The following SEMA3D variants were observed in gnomAD, a reference collection of about 807,000 sequenced individuals.
SEMA3D encodes semaphorin-3D.
SEMA3D carries 84 observed loss-of-function variants against 100.1 expected under a neutral mutation model. That is an observed-to-expected ratio of 0.84 (90% confidence interval 0.70 to 1.01). The LOEUF is 1.01. SEMA3D is among the 50% of genes least tolerant of loss of function. The pLI is 0.00. For synonymous variants in SEMA3D, 312 were observed against 320.7 expected (o/e 0.97, Z 0.29); for missense variants, 875 against 934.1 (o/e 0.94, Z 0.82).
chr7:85,217,218 T>C, the SEMA3D span, among the ~76,000 whole-genome samples: 1 of 152,088 alleles, frequency 6.6e-6, no homozygotes, highest in Non-Finnish European at 1.5e-5. Context: ...CTTCAAACCT[T>C]AGGCCAAACT....
the SEMA3D span, among the ~76,000 whole-genome samples, chr7:85,237,957 C>T: frequency 3.3e-5 from 5 of 152,148 alleles, no homozygotes; most frequent in African/African-American, 1.2e-4. Flanking sequence ...GGATTTTGGC[C>T]ATTCTAAAAT....
At chr7:85,130,405 T>G (rs1375598060) in intron 2 of SEMA3D, among the ~76,000 whole-genome samples, 4 of 152,188 alleles carry the variant, frequency 2.6e-5, no homozygotes, top group Non-Finnish European at 5.9e-5. Flanking sequence ...TCCATCTTGT[T>G]TTAACATGCT....
At position 84,996,182 on chromosome 7, in the gene SEMA3D, G is replaced by C. The variant is rs1205031544; in HGVS notation, c.*3258C>G. On this transcript the variant is annotated 3_prime_UTR_variant, in exon 19 of 19. Transcript: ENST00000284136. ...GAATGCTCTTATTATTTTTTGGACA[G>C]CTGAATGATATCAAGTTGTTCTTGG... The C allele has an allele frequency of 6.6e-6, 1 of 151,846 alleles. No individual in the cohort carries two copies. The highest frequency in any genetic ancestry group is 1.5e-5 in the Non-Finnish European group (1 of 67,826). 9.4% of individuals were successfully genotyped at this position (151,846 alleles called of 1,614,324 possible). A position where few individuals can be genotyped will look rare whatever the true frequency, so the allele number is the denominator to read the frequency against.
At chr7:85,008,189 G>C (rs1045936617) in intron 17 of SEMA3D, among the ~76,000 whole-genome samples, 1 of 151,744 alleles carries the variant, frequency 6.6e-6, no homozygotes, top group African/African-American at 2.4e-5. Flanking sequence ...TCCTGAGAAA[G>C]GGATTTTGTC....
intron 1 of SEMA3D, among the ~76,000 whole-genome samples, chr7:85,163,739 C>CT (rs1293380740): frequency 6.6e-6 from 1 of 152,088 alleles, no homozygotes; most frequent in Non-Finnish European, 1.5e-5. Context: ...AAGTGGCTCA[C>CT]TTATTCTCAT....
At chr7:85,078,387 A>C (rs1217653925) in intron 5 of SEMA3D, among the ~76,000 whole-genome samples, 4 of 152,236 alleles carry the variant, frequency 2.6e-5, no homozygotes, top group Middle Eastern at 3.4e-3. Context: ...ATAATAAAAA[A>C]ACTGAAGTTC....
intron 2 of SEMA3D, among the ~76,000 whole-genome samples, chr7:85,125,027 A>C (rs1157123345): frequency 1.3e-5 from 2 of 152,098 alleles, no homozygotes; most frequent in African/African-American, 2.4e-5. Flanking sequence ...CAGCAGACTC[A>C]CAGCTGTGGC....
intron 5 of SEMA3D, among the ~76,000 whole-genome samples, chr7:85,079,753 C>T (rs1345332556): frequency 2.0e-5 from 3 of 152,212 alleles, no homozygotes; most frequent in Non-Finnish European, 4.4e-5. Flanking sequence ...GCCTCCTTAT[C>T]GTATACTCAA....
At chr7:85,148,121 T>C (rs922092965) in intron 2 of SEMA3D, among the ~76,000 whole-genome samples, 3 of 152,080 alleles carry the variant, frequency 2.0e-5, no homozygotes, top group East Asian at 1.9e-4. Context: ...GAAATGAAGA[T>C]TAAAAATAAA....
the SEMA3D span, among the ~76,000 whole-genome samples, chr7:85,225,056 A>G: frequency 7.6e-4 from 1 of 1,314 alleles, no homozygotes; most frequent in Non-Finnish European, 1.8e-3. Flanking sequence ...TCTTTTATAT[A>G]TATATATATA....
intron 1 of SEMA3D, among the ~76,000 whole-genome samples, chr7:85,177,432 T>C (rs1031331024): frequency 3.3e-5 from 5 of 152,016 alleles, no homozygotes; most frequent in Admixed American, 1.3e-4. Flanking sequence ...GTTATTGAGA[T>C]TGAAAGAGAA....
chr7:85,185,844 A>G (rs1430571875), intron 1 of SEMA3D, among the ~76,000 whole-genome samples: 1 of 152,164 alleles, frequency 6.6e-6, no homozygotes, highest in Non-Finnish European at 1.5e-5. Flanking sequence ...AGAAGCCGGG[A>G]GGAAACACCC....
chr7:85,051,947 A>C (rs547111324), intron 9 of SEMA3D, among the ~76,000 whole-genome samples: 31 of 152,052 alleles, frequency 2.0e-4, no homozygotes, highest in African/African-American at 7.5e-4. Context: ...TGCCAGTCAT[A>C]TTTGAACACT....
intron 3 of SEMA3D, among the ~76,000 whole-genome samples, chr7:85,103,545 C>T (rs921481458): frequency 2.6e-5 from 4 of 151,950 alleles, no homozygotes; most frequent in Non-Finnish European, 4.4e-5. Flanking sequence ...CACCCTTCCT[C>T]GGGATGTCAG....
At chr7:85,044,070 G>C (rs1230314744) in intron 9 of SEMA3D, among the ~76,000 whole-genome samples, 5 of 151,548 alleles carry the variant, frequency 3.3e-5, no homozygotes, top group Non-Finnish European at 7.4e-5. Flanking sequence ...TTATATTTAA[G>C]TATAAATTAT....
chr7:85,111,077 T>C (rs1458728275), intron 3 of SEMA3D, among the ~76,000 whole-genome samples: 1 of 152,066 alleles, frequency 6.6e-6, no homozygotes, highest in Non-Finnish European at 1.5e-5. Context: ...TCCTAATTTT[T>C]CTCCTATATA....
chr7:85,231,713 G>A, the SEMA3D span, among the ~76,000 whole-genome samples: 2 of 152,068 alleles, frequency 1.3e-5, no homozygotes, highest in East Asian at 3.9e-4. Context: ...GCCTCCCAAA[G>A]TGCTGGGATT....
At chr7:85,029,103 G>A (rs768633801) in intron 12 of SEMA3D, 54 of 586,874 alleles carry the variant, frequency 9.2e-5, no homozygotes, top group Non-Finnish European at 1.5e-4. Context: ...GGCAGACACA[G>A]ACCTTCACTA....
chr7:85,107,145 T>C (rs368794469), intron 3 of SEMA3D, among the ~76,000 whole-genome samples: 3 of 152,136 alleles, frequency 2.0e-5, no homozygotes, highest in African/African-American at 4.8e-5. Context: ...AAACTGATCA[T>C]TGATCATTGC....
Sources: gnomAD v4.1 joint callset for allele counts (sites outside exome capture counted in the v4.1 genomes callset) on GRCh38, gnomAD v4.1.1 for gene constraint, MANE v1.5 for transcripts, NCBI Gene and HGNC (gene_info 2026-07-23, HGNC 2026-07-21) for gene names.